PRAMEF26: variants seen among roughly 807,000 people sequenced by gnomAD.
The protein encoded by PRAMEF26 is PRAME family member 26.
At chr1:13,155,243 C>T (rs1449657890) in intron 1 of PRAMEF26, 2 of 143,570 alleles carry the variant, frequency 1.4e-5, no homozygotes, top group Non-Finnish European at 1.6e-5. Context: ...AGAGGCCAAG[C>T]ACCAGTGGCT....
In PRAMEF26 at chr1:13,155,933, C is replaced by A. The variant is rs1237364713; in HGVS notation, c.-66G>T. Reference sequence around the variant, plus strand: ...TGCTCAGACCTCAGGAAGAACCAGGCAGGAACTCCAGGCTTGAAGACTTTG... The same window carrying A: ...TGCTCAGACCTCAGGAAGAACCAGGAAGGAACTCCAGGCTTGAAGACTTTG... On this transcript the variant is annotated 5_prime_UTR_variant, in exon 1 of 4. Transcript: ENST00000624207. 1.4e-5 allele frequency: 1 copy of A among 69,642 alleles called. No individual in the cohort carries two copies. Among genetic ancestry groups the A allele is most frequent in the Non-Finnish European group, 2.4e-5 (1 of 41,580 alleles). The allele number at this position is 69,642 out of a possible 1,614,324, so 4.3% of individuals were successfully genotyped here.
chr1:13,150,278 A>G (rs1553179223), intron 3 of PRAMEF26: 3,823 of 192,538 alleles, frequency 0.02, 32 homozygotes, highest in African/African-American at 0.087. Context: ...TAAAAAAAAA[A>G]AAGGAGAAAA....
At chr1:13,155,174 A>G (rs1349875269) in intron 1 of PRAMEF26, 1 of 145,234 alleles carries the variant, frequency 6.9e-6, no homozygotes. Flanking sequence ...AGCCACCCAA[A>G]TAGCTGGGGC....
intron 1 of PRAMEF26, chr1:13,155,222 A>C (rs1642994141): frequency 6.8e-6 from 1 of 147,520 alleles, no homozygotes; most frequent in African/African-American, 2.5e-5. Flanking sequence ...AATTAAAAAA[A>C]AAAAAAAAGT....
intron 1 of PRAMEF26, 200 bp downstream of exon 1, chr1:13,155,684 C>T (rs1455765363): frequency 1.1e-5 from 1 of 89,468 alleles, no homozygotes; most frequent in Non-Finnish European, 2.0e-5. Context: ...TTTGAAATGA[C>T]CTAAACCAAA....
At chr1:13,155,316 T>C (rs1387751480) in intron 1 of PRAMEF26, 5 of 130,358 alleles carry the variant, frequency 3.8e-5, no homozygotes, top group Non-Finnish European at 8.4e-5. Flanking sequence ...GTCAGGCGTT[T>C]GAGACCAAAC....
rs1642999594 is a variant in PRAMEF26 at position 13,155,654 on chromosome 1, T to A, written c.-17+230A>T. 2 of 84,608 alleles carry A rather than the reference T, an allele frequency of 2.4e-5. 1 individual carries two copies. Among genetic ancestry groups the A allele is most frequent in the African/African-American group, 2.0e-4 (2 of 9,916 alleles). The allele number at this position is 84,608 out of a possible 1,614,324, so 5.2% of individuals were successfully genotyped here. A position where few individuals can be genotyped will look rare whatever the true frequency, so the allele number is the denominator to read the frequency against. ...AAAGTGTTGGGGTTAAAGGCATGAG[T>A]CACTGCTCCCTTCAAGAATTTTGAA... On this transcript the variant is annotated intron_variant, in intron 1 of 3. Transcript: ENST00000624207.
intron 1 of PRAMEF26, 77 bp downstream of exon 1, chr1:13,155,807 T>TAGGC (rs1247949162): frequency 3.0e-5 from 3 of 99,628 alleles, no homozygotes; most frequent in Admixed American, 9.0e-5. Flanking sequence ...TGTGCCATCG[T>TAGGC]AGGCTGCACT....
intron 3 of PRAMEF26, 186 bp from the exon 4 acceptor site, chr1:13,149,984 T>TCCAC (rs1642964071): frequency 5.0e-6 from 1 of 201,188 alleles, no homozygotes; most frequent in Non-Finnish European, 1.0e-5. Flanking sequence ...CAATTCCACT[T>TCCAC]TAGGCCCGGC....
At chr1:13,150,356 C>T (rs1175335280) in intron 3 of PRAMEF26, 5 of 116,982 alleles carry the variant, frequency 4.3e-5, no homozygotes, top group East Asian at 3.2e-4. Context: ...CACAGAATCC[C>T]TAAAGCTCCC....
intron 3 of PRAMEF26, chr1:13,150,579 C>T (rs1417968543): frequency 4.3e-5 from 1 of 23,446 alleles, no homozygotes; most frequent in African/African-American, 1.1e-4. Context: ...CAGAATCATA[C>T]ATTTCCTAGG....
At chr1:13,150,560 CCT>C (rs1257155826) in intron 3 of PRAMEF26, 2 of 35,436 alleles carry the variant, frequency 5.6e-5, no homozygotes, top group Non-Finnish European at 7.1e-5. Flanking sequence ...GCTCCCTGAC[CCT>C]CTGTTTCAGA....
chr1:13,150,214 A>T (rs1159942948), intron 3 of PRAMEF26: 50,120 of 172,624 alleles, frequency 0.29, 3,611 homozygotes, highest in East Asian at 0.54. Context: ...GGTTGCAGTG[A>T]GCAGAGATCA....
At chr1:13,150,505 G>GT (rs1412574508) in intron 3 of PRAMEF26, 1 of 60,424 alleles carries the variant, frequency 1.7e-5, no homozygotes, top group East Asian at 6.4e-4. Context: ...TGACACGCCT[G>GT]TATCATCAGC....
At chr1:13,155,216 A>T (rs1642993965) in intron 1 of PRAMEF26, 1 of 57,346 alleles carries the variant, frequency 1.7e-5, no homozygotes, top group Non-Finnish European at 5.4e-5. Context: ...CCAGCTAATT[A>T]AAAAAAAAAA....
chr1:13,155,510 C>A (rs1167783916), intron 1 of PRAMEF26: 2 of 61,004 alleles, frequency 3.3e-5, no homozygotes, highest in East Asian at 7.8e-4. Flanking sequence ...GGCAACACAG[C>A]GAGACTCCAT....
At chr1:13,155,298 C>T (rs1425511877) in intron 1 of PRAMEF26, 1 of 135,034 alleles carries the variant, frequency 7.4e-6, no homozygotes, top group Admixed American at 7.5e-5. Context: ...GCAGGTGGAT[C>T]ACTTGAGGTC....
At chr1:13,150,273 A>G (rs2100334972) in intron 3 of PRAMEF26, 1 of 197,764 alleles carries the variant, frequency 5.1e-6, no homozygotes, top group South Asian at 9.5e-5. Flanking sequence ...TGTATTAAAA[A>G]AAAAAAAGGA....
In PRAMEF26 at chr1:13,155,895, G is replaced by A. The variant is rs1227960860; in HGVS notation, c.-28C>T. The stretch of plus-strand genomic sequence containing the variant: ...AATTAATGACTTACCAGATCTGGAT[G>A]TAGTTTAGAAGGTGCTCAGACCTCA... On this transcript the variant is annotated 5_prime_UTR_variant, in exon 1 of 4. Transcript: ENST00000624207. 2 of 79,398 alleles carry A rather than the reference G, an allele frequency of 2.5e-5. No individual in the cohort carries two copies. Among genetic ancestry groups the A allele is most frequent in the Non-Finnish European group, 4.3e-5 (2 of 45,982 alleles). 4.9% of individuals were successfully genotyped at this position (79,398 alleles called of 1,614,324 possible). A position where few individuals can be genotyped will look rare whatever the true frequency, so the allele number is the denominator to read the frequency against.
Sources: gnomAD v4.1 joint callset for allele counts on GRCh38, gnomAD v4.1.1 for gene constraint, MANE v1.5 for transcripts, NCBI Gene and HGNC (gene_info 2026-07-23, HGNC 2026-07-21) for gene names.